GPATCH8: variants seen among roughly 807,000 people sequenced by gnomAD.
GPATCH8 encodes G patch domain-containing protein 8.
In GPATCH8, 18 loss-of-function variants were observed where a neutral mutation model predicts 118.3. The observed-to-expected ratio is 0.15, with a 90% confidence interval of 0.11 to 0.23. The LOEUF is 0.23. GPATCH8 is among the 10% of genes least tolerant of loss of function. The probability of loss-of-function intolerance (pLI) is 1.00; values close to 1 mark genes in which losing one functional copy is unlikely to be tolerated. For synonymous variants in GPATCH8, 659 were observed against 684.7 expected (o/e 0.96, Z 0.59); for missense variants, 1,631 against 1,873.8 (o/e 0.87, Z 2.39).
chr17:44,400,222 C>A lies in GPATCH8; in HGVS notation c.1855G>T (p.Gly619Ter). 1.2e-6 allele frequency: 2 copies of A among 1,614,136 alleles called. No individual in the cohort carries two copies. Among genetic ancestry groups the A allele is most frequent in the Non-Finnish European group, 1.7e-6 (2 of 1,180,034 alleles). The change falls in exon 8 of 8, where the codon GGA becomes TGA. Residue 619 changes from glycine (G) to a stop codon, truncating the protein, a stop_gained. Transcript: ENST00000591680. LOFTEE classifies it high-confidence loss of function. ...GEPNKSKEVG[G>*]EKIVRSSGGR... ...CCTGAGGAACGTACTATTTTCTCTC[C>A]GCCCACTTCCTTGCTTTTATTTGGC...
chr17:44,465,071 G>C (rs2051708050), intron 2 of GPATCH8: 2 of 146,024 alleles, frequency 1.4e-5, no homozygotes, highest in South Asian at 4.3e-4. Context: ...CAAAATCCAG[G>C]CTAGACTTGA....
At chr17:44,410,975 GT>G (rs1225134787) in intron 6 of GPATCH8, among the ~76,000 whole-genome samples, 1 of 152,144 alleles carries the variant, frequency 6.6e-6, no homozygotes, top group East Asian at 1.9e-4. Flanking sequence ...GCAGAAAAAC[GT>G]TTTACTGTGG....
At chr17:44,412,180 C>T (rs2143770425) in intron 6 of GPATCH8, among the ~76,000 whole-genome samples, 1 of 152,230 alleles carries the variant, frequency 6.6e-6, no homozygotes, top group South Asian at 2.1e-4. Flanking sequence ...ACCTTGGCCT[C>T]CCAAAATGCC....
In GPATCH8 at chr17:44,451,769, C is replaced by T. The variant is rs186721801; in HGVS notation, c.193+12703G>A. On this transcript the variant is annotated intron_variant, in intron 3 of 7. Transcript: ENST00000591680. ...ATATATGACCACTTCAAGTGCCCTA[C>T]GAGAATATATCACATTCAGAATTAT... is the stretch of plus-strand genomic sequence containing the variant. Among the ~76,000 whole-genome samples, 41 of 152,286 alleles carry T rather than the reference C, an allele frequency of 2.7e-4. 1 individual carries two copies. In the East Asian group the frequency reaches 6.0e-3, roughly 22 times the overall value.
At position 44,397,724 on chromosome 17, in the gene GPATCH8, G is replaced by A; in HGVS notation, c.4353C>T (p.Pro1451=). 1.2e-6 allele frequency: 2 copies of A among 1,605,346 alleles called. No homozygotes were observed. The highest frequency in any genetic ancestry group is 2.2e-5 in the South Asian group (2 of 89,766). ...CATGTGGGACAGGGTGAAAGGTGAA[G>A]GGCCCAGGATGGATGGCTGAGGCGG... ...IIPASAIHPG[P]FTFHPVPHAA... is the part of the protein sequence containing the mutation. Residue 1451 remains proline (P), a synonymous_variant, in exon 8 of 8, where the codon CCC becomes CCT. Transcript: ENST00000591680.
At chr17:44,427,134 A>G (rs1188722498) in intron 5 of GPATCH8, among the ~76,000 whole-genome samples, 1 of 150,990 alleles carries the variant, frequency 6.6e-6, no homozygotes, top group Non-Finnish European at 1.5e-5. Flanking sequence ...GGAGTGCAGT[A>G]GTGCAATTAC....
At chr17:44,440,426 A>G (rs997476221) in intron 3 of GPATCH8, among the ~76,000 whole-genome samples, 2 of 152,164 alleles carry the variant, frequency 1.3e-5, no homozygotes, top group Non-Finnish European at 2.9e-5. Flanking sequence ...GGAATTACAC[A>G]TTTATTTTTT....
chr17:44,415,951 T>C (rs1312621653), intron 6 of GPATCH8, among the ~76,000 whole-genome samples: 6 of 152,228 alleles, frequency 3.9e-5, no homozygotes, highest in Admixed American at 3.9e-4. Flanking sequence ...TTTTGAGGGT[T>C]ACCCCTAATC....
intron 3 of GPATCH8, among the ~76,000 whole-genome samples, chr17:44,460,076 A>C (rs1250113178): frequency 6.6e-6 from 1 of 152,244 alleles, no homozygotes; most frequent in Non-Finnish European, 1.5e-5. Flanking sequence ...CAGAAAAATA[A>C]AAATTTTGAA....
Position 44,398,613 on chromosome 17 carries a change from C to A in GPATCH8, c.3464G>T (p.Arg1155Leu). The A allele has an allele frequency of 6.5e-7, 1 of 1,547,154 alleles. No homozygotes were observed. Among genetic ancestry groups the A allele is most frequent in the Non-Finnish European group, 8.7e-7 (1 of 1,150,550 alleles). Residue 1155 changes from arginine (R) to leucine (L), a missense_variant, in exon 8 of 8, where the codon CGA becomes CTA. Coordinates refer to ENST00000591680, the MANE Select transcript of GPATCH8 (RefSeq NM_001002909.4). The part of the protein sequence containing the change: ...LPLIGKLPAT[R>L]KPNKKCEESG... ...CTCTTCACACTTCTTATTGGGCTTT[C>A]GGGTAGCTGGGAGCTTCCCTATCAG...
intron 1 of GPATCH8, among the ~76,000 whole-genome samples, chr17:44,499,482 A>G (rs182815397): frequency 6.6e-6 from 1 of 152,298 alleles, no homozygotes; most frequent in East Asian, 1.9e-4. Flanking sequence ...AAAAATAAAT[A>G]AATAAATAAA....
intron 1 of GPATCH8, among the ~76,000 whole-genome samples, chr17:44,496,267 C>A (rs1969664558): frequency 1.3e-5 from 2 of 152,164 alleles, no homozygotes; most frequent in Admixed American, 1.3e-4. Context: ...GTAAGCTCCT[C>A]TTTTCTTATT....
At chr17:44,423,845 G>C (rs2049999337) in intron 6 of GPATCH8, among the ~76,000 whole-genome samples, 1 of 152,114 alleles carries the variant, frequency 6.6e-6, no homozygotes, top group African/African-American at 2.4e-5. Flanking sequence ...TTTTGTTAAA[G>C]TTAAGATAGC....
Position 44,494,731 on chromosome 17 carries a change from T to A in GPATCH8, c.45+8595A>T, listed in dbSNP as rs1249850514. On this transcript the variant is annotated intron_variant, in intron 1 of 7. Transcript: ENST00000591680. The stretch of plus-strand genomic sequence containing the variant: ...ACTTTAACTATATGGGTATAGCACA[T>A]CTAACAAACTATAGCTGAATTAATC... Among the ~76,000 whole-genome samples the A allele has an allele frequency of 2.6e-5, 4 of 152,196 alleles. No individual in the cohort carries two copies. In the East Asian group the frequency reaches 7.7e-4, roughly 29 times the overall value.
chr17:44,502,426 C>A (rs1485177399), intron 1 of GPATCH8, among the ~76,000 whole-genome samples: 3 of 151,350 alleles, frequency 2.0e-5, no homozygotes, highest in Non-Finnish European at 2.9e-5. Context: ...CTACTAAATC[C>A]CTTTTAGTCT....
chr17:44,477,354 G>C (rs1967861107), intron 1 of GPATCH8, among the ~76,000 whole-genome samples: 1 of 152,128 alleles, frequency 6.6e-6, no homozygotes, highest in Admixed American at 6.6e-5. Flanking sequence ...ACAAGATGGT[G>C]GTGGTGGTAG....
intron 3 of GPATCH8, among the ~76,000 whole-genome samples, chr17:44,447,406 C>T (rs920433322): frequency 2.6e-5 from 4 of 151,998 alleles, no homozygotes; most frequent in Non-Finnish European, 4.4e-5. Context: ...ATCTGCCCGC[C>T]TCAGCCTCCC....
intron 6 of GPATCH8, among the ~76,000 whole-genome samples, chr17:44,407,801 C>T (rs1362918371): frequency 4.0e-5 from 6 of 151,764 alleles, no homozygotes; most frequent in Non-Finnish European, 7.4e-5. Context: ...GGATTACAGG[C>T]GTGAACCCCT....
At chr17:44,463,524 A>G (rs1285581019) in intron 3 of GPATCH8, among the ~76,000 whole-genome samples, 1 of 152,210 alleles carries the variant, frequency 6.6e-6, no homozygotes, top group Non-Finnish European at 1.5e-5. Flanking sequence ...CTGGGACTAC[A>G]GGCATGTGCC....
Sources: allele counts gnomAD v4.1 joint callset (sites outside exome capture counted in the v4.1 genomes callset), GRCh38; gene constraint gnomAD v4.1.1; transcripts MANE v1.5; gene names NCBI Gene and HGNC (gene_info 2026-07-23, HGNC 2026-07-21).